Variants in SMIM14 observed in about 807,000 individuals in gnomAD.
SMIM14 encodes the protein chromosome 4 open reading frame 34.
SMIM14 carries 5 observed loss-of-function variants against 12.6 expected under a neutral mutation model. The ratio of observed to expected loss-of-function variants is 0.40; its 90% CI spans 0.21 to 0.83. The LOEUF (loss-of-function observed/expected upper bound fraction) is 0.83, where lower values mean the gene tolerates loss of function less well. SMIM14 is among the 40% of genes least tolerant of loss of function. The pLI is 0.37. For synonymous variants in SMIM14, 30 were observed against 40.1 expected, an observed-to-expected ratio of 0.75 and a Z score of 0.95; for missense variants, 86 against 119.1, an observed-to-expected ratio of 0.72 and a Z score of 1.29.
chr4:39,629,300 G>A (rs1715820057), intron 1 of SMIM14, among the ~76,000 whole-genome samples: 1 of 142,724 alleles, frequency 7.0e-6, no homozygotes, highest in South Asian at 2.2e-4. Flanking sequence ...AGCAGAGGTT[G>A]CAGCAAGCCG....
intron 3 of SMIM14, among the ~76,000 whole-genome samples, chr4:39,562,525 G>A (rs1222628578): frequency 6.6e-6 from 1 of 152,078 alleles, no homozygotes; most frequent in African/African-American, 2.4e-5. Context: ...GTCTCACTCT[G>A]TCTCCCAGGC....
chr4:39,597,160 A>G (rs1714406110), intron 2 of SMIM14, among the ~76,000 whole-genome samples: 1 of 147,070 alleles, frequency 6.8e-6, no homozygotes, highest in Non-Finnish European at 1.5e-5. Context: ...ATGACTCCCT[A>G]GAGTATTCTG....
In SMIM14 at chr4:39,558,795, A is replaced by T. The variant is rs796242986; in HGVS notation, c.125-2225T>A. 2.6e-5 allele frequency among the ~76,000 whole-genome samples: 4 copies of T among 151,982 alleles called. No individual in the cohort carries two copies. Among genetic ancestry groups the T allele is most frequent in the African/African-American group, 9.7e-5 (4 of 41,442 alleles). ...GGCATGTCAGCTCACTGCAACCTCC[A>T]CCTCCCGGGTTCAAGCAATTCTCCT... On this transcript the variant is annotated intron_variant, in intron 3 of 4. Coordinates refer to ENST00000295958, the MANE Select transcript of SMIM14 (RefSeq NM_174921.3). This position sits in a 1 kb window ranked among gnomAD's most constrained non-coding sequence, Gnocchi z 4.3.
chr4:39,555,682 G>C (rs1711973800), intron 4 of SMIM14, among the ~76,000 whole-genome samples: 1 of 152,210 alleles, frequency 6.6e-6, no homozygotes, highest in Admixed American at 6.5e-5. Context: ...TGCCAGCTCA[G>C]CTGATTTACT....
rs1716199562 is a variant in SMIM14 at position 39,638,725 on chromosome 4, G to C, written c.-36+14C>G. 1.1e-5 allele frequency: 11 copies of C among 985,282 alleles called. No homozygotes were observed. Among genetic ancestry groups the C allele is most frequent in the Admixed American group, 6.2e-5 (1 of 16,252 alleles). 61.0% of individuals were successfully genotyped at this position (985,282 alleles called of 1,614,324 possible). A position where few individuals can be genotyped will look rare whatever the true frequency, so the allele number is the denominator to read the frequency against. On this transcript the variant is annotated intron_variant, in intron 1 of 4. Coordinates refer to ENST00000295958, the MANE Select transcript of SMIM14 (RefSeq NM_174921.3). ...GAGCCAGCAAACGCTGGTGGGAGAG[G>C]GGGAGACACTCACCCGCCCAGACAA...
chr4:39,563,607 G>A (rs894872058), intron 3 of SMIM14, among the ~76,000 whole-genome samples: 17 of 152,150 alleles, frequency 1.1e-4, no homozygotes, highest in African/African-American at 4.1e-4. Flanking sequence ...TGGGGTACTC[G>A]TTATTTCCCT....
rs569880078 is a variant in SMIM14, at chr4:39,596,405, T to C, written c.75+8666A>G. 3.1e-3 allele frequency among the ~76,000 whole-genome samples: 476 copies of C among 152,272 alleles called. 3 individuals carry two copies. Among genetic ancestry groups the C allele is most frequent in the African/African-American group, 0.011 (448 of 41,546 alleles). On this transcript the variant is annotated intron_variant, in intron 2 of 4. Coordinates refer to ENST00000295958, the MANE Select transcript of SMIM14 (RefSeq NM_174921.3). ...CCACCGGGCCCGGCCGCATATATAG[T>C]GCTTTTTAAGGTGCTTAAAGGAGAC... is the stretch of plus-strand genomic sequence containing the variant.
intron 1 of SMIM14, among the ~76,000 whole-genome samples, chr4:39,621,829 G>A (rs1273825659): frequency 6.7e-6 from 1 of 149,104 alleles, no homozygotes; most frequent in East Asian, 2.0e-4. Flanking sequence ...CTACGGAGGC[G>A]CATGTTATCA....
chr4:39,555,421 C>T (rs1367014406), intron 4 of SMIM14, among the ~76,000 whole-genome samples: 1 of 151,924 alleles, frequency 6.6e-6, no homozygotes. Context: ...TTAGTAGAGA[C>T]AGGGTTTCAC....
intron 2 of SMIM14, chr4:39,593,690 C>T (rs551830441): frequency 6.9e-4 from 104 of 151,640 alleles, no homozygotes; most frequent in African/African-American, 2.5e-3. Context: ...AGCTGATAAG[C>T]AACTTCAGCA....
intron 1 of SMIM14, among the ~76,000 whole-genome samples, chr4:39,626,756 C>T (rs1380229558): frequency 6.6e-6 from 1 of 152,218 alleles, no homozygotes; most frequent in African/African-American, 2.4e-5. Context: ...GAACGCTTTT[C>T]TCCTTGACCT....
intron 2 of SMIM14, among the ~76,000 whole-genome samples, chr4:39,588,431 T>C (rs1315217273): frequency 6.6e-6 from 1 of 152,128 alleles, no homozygotes; most frequent in Admixed American, 6.6e-5. Flanking sequence ...CAGTTCAAAA[T>C]TGGTAAGACC....
chr4:39,630,379 C>A (rs1325945711), intron 1 of SMIM14, among the ~76,000 whole-genome samples: 1 of 152,042 alleles, frequency 6.6e-6, no homozygotes, highest in African/African-American at 2.4e-5. Flanking sequence ...GCACTCCAAC[C>A]TGTGTGACAG....
Position 39,587,390 on chromosome 4 carries a change from G to A in SMIM14, c.76-14927C>T, listed in dbSNP as rs144889050. Among the ~76,000 whole-genome samples the A allele has an allele frequency of 1.4e-3, 212 of 150,394 alleles. 1 individual carries two copies. The highest frequency in any genetic ancestry group is 5.0e-3 in the African/African-American group (205 of 40,754). On this transcript the variant is annotated intron_variant, in intron 2 of 4. Coordinates refer to ENST00000295958, the MANE Select transcript of SMIM14 (RefSeq NM_174921.3). ...CGGGTGCCTGTAGTCCCAGCTACTC[G>A]GGAGGCTGAGGCAGAAGAATGGCAT...
intron 1 of SMIM14, among the ~76,000 whole-genome samples, chr4:39,627,925 T>C (rs968059543): frequency 1.3e-5 from 2 of 152,082 alleles, no homozygotes; most frequent in African/African-American, 4.8e-5. Flanking sequence ...TAACCATAAG[T>C]TTCATAATTT....
rs548173480 is a variant in SMIM14 at position 39,619,721 on chromosome 4, AAT to A, written c.-35-14543_-35-14542del. On this transcript the variant is annotated intron_variant, in intron 1 of 4. Transcript: ENST00000295958. ...ATATAATTTATTCTATATATCAATA[AAT>A]ATAATTATATATATCAATAAATATA... Among the ~76,000 whole-genome samples, 22 of 118,764 alleles carry A rather than the reference AAT, an allele frequency of 1.9e-4. 1 individual carries two copies. Among genetic ancestry groups the A allele is most frequent in the African/African-American group, 6.8e-4 (21 of 30,868 alleles). The allele number at this position is 118,764 out of a possible 152,430, so 77.9% of individuals were successfully genotyped here.
At position 39,635,763 on chromosome 4, in the gene SMIM14, G is replaced by A. The variant is rs891320008; in HGVS notation, c.-36+2976C>T. On this transcript the variant is annotated intron_variant, in intron 1 of 4. Transcript: ENST00000295958. ...GCAGATTTAGGATAGTTCATGGCAT[G>A]TACTTATCCTCTGAAGTTGAGATGA... Among the ~76,000 whole-genome samples the A allele has an allele frequency of 2.6e-5, 4 of 152,150 alleles. No homozygotes were observed. The South Asian group carries it at 8.3e-4, about 32-fold the overall frequency.
At chr4:39,633,137 T>A (rs923305980) in intron 1 of SMIM14, among the ~76,000 whole-genome samples, 2 of 151,774 alleles carry the variant, frequency 1.3e-5, no homozygotes, top group Non-Finnish European at 2.9e-5. Context: ...CTACTAAATA[T>A]ACAAAAATTA....
chr4:39,610,627 T>C lies in SMIM14; in HGVS notation c.-35-5447A>G, dbSNP rs146451764. 3.6e-3 allele frequency among the ~76,000 whole-genome samples: 540 copies of C among 151,230 alleles called. 3 individuals are homozygous for C. Among genetic ancestry groups the C allele is most frequent in the African/African-American group, 0.013 (523 of 41,152 alleles). ...GGGGGATCGCTTGAGCCCAGGAGATTGAGACCATAGTGAGCTATGATCACA... is the reference window on the plus strand; with the variant it reads ...GGGGGATCGCTTGAGCCCAGGAGATCGAGACCATAGTGAGCTATGATCACA... On this transcript the variant is annotated intron_variant, in intron 1 of 4. Transcript: ENST00000295958.
Sources: gnomAD v4.1 joint callset for allele counts (sites outside exome capture counted in the v4.1 genomes callset) on GRCh38, gnomAD v4.1.1 for gene constraint, Gnocchi (gnomAD v3.1) non-coding constraint, MANE v1.5 for transcripts, NCBI Gene and HGNC (gene_info 2026-07-23, HGNC 2026-07-21) for gene names.